POLR2F: variants seen among roughly 807,000 people sequenced by gnomAD.
POLR2F encodes the protein DNA-directed RNA polymerases I, II, and III subunit RPABC2.
POLR2F carries 12 observed loss-of-function variants against 22.7 expected under a neutral mutation model. The observed-to-expected ratio is 0.53, with a 90% CI of 0.34 to 0.86. The LOEUF (loss-of-function observed/expected upper bound fraction) is 0.86, where lower values mean the gene tolerates loss of function less well. Ranked by LOEUF, POLR2F falls within the 40% of genes least tolerant of loss-of-function variation. POLR2F has a pLI of 0.02. For synonymous variants in POLR2F, 57 were observed against 66.0 expected (o/e 0.86, Z 0.66); for missense variants, 126 against 171.5 (o/e 0.73, Z 1.48).
At position 37,986,311 on chromosome 22, in the gene POLR2F, C is replaced by A; in HGVS notation, c.121C>A (p.Arg41=). 6.5e-7 allele frequency: 1 copy of A among 1,536,352 alleles called. No homozygotes were observed. Among genetic ancestry groups the A allele is most frequent in the Non-Finnish European group, 8.7e-7 (1 of 1,146,114 alleles). The change falls in exon 1 of 3, where the codon CGG becomes AGG. Residue 41 remains arginine (R), a splice_region_variant and synonymous_variant. Transcript: ENST00000333418. The surrounding 1 kb of genome is among the most constrained non-coding windows in gnomAD (Gnocchi z 4.7). ...CTGCCTGCCTGGCATCTCTCTCTCC[C>A]GGTGGGTCCCCACTCATCCTTCCAC...
exon 2 of POLR2F, chr22:38,025,971 G>A (rs985101882): frequency 8.3e-6 from 5 of 603,128 alleles, no homozygotes; most frequent in African/African-American, 5.5e-5. Flanking sequence ...GAAGTCAACC[G>A]GAGAATGTGC....
chr22:37,973,337 T>C (rs886057494), downstream of POLR2F: 68 of 598,372 alleles, frequency 1.1e-4, no homozygotes, highest in Non-Finnish European at 2.0e-4. Flanking sequence ...GGGTGGGTCA[T>C]CAGGGCAGTG....
chr22:37,995,478 C>T (rs1361904564), intron 1 of POLR2F, among the ~76,000 whole-genome samples: 1 of 152,208 alleles, frequency 6.6e-6, no homozygotes, highest in Admixed American at 6.5e-5. Flanking sequence ...CCAGTACCAG[C>T]TGTTTTCTCT....
chr22:38,007,765 T>C (rs534242476), intron 1 of POLR2F, among the ~76,000 whole-genome samples: 21 of 152,296 alleles, frequency 1.4e-4, no homozygotes, highest in Admixed American at 3.9e-4. Flanking sequence ...GAACTCACAC[T>C]AGTTGTGGTC....
At chr22:37,956,979 T>C in intron 2 of POLR2F, 137 bp downstream of exon 2, 2 of 739,340 alleles carry the variant, frequency 2.7e-6, no homozygotes, top group South Asian at 1.5e-5. Flanking sequence ...TAGAGTGAGC[T>C]GTGTTCCAGT....
At chr22:37,990,158 T>C (rs908173549) in intron 1 of POLR2F, among the ~76,000 whole-genome samples, 4 of 152,132 alleles carry the variant, frequency 2.6e-5, no homozygotes, top group African/African-American at 9.7e-5. Flanking sequence ...CCAGGGAGGC[T>C]GGAGCGGGCA....
chr22:37,982,659 C>T (rs1932436367), upstream of POLR2F, among the ~76,000 whole-genome samples: 1 of 151,986 alleles, frequency 6.6e-6, no homozygotes, highest in Non-Finnish European at 1.5e-5. Flanking sequence ...GGGAAGATGG[C>T]GCCGAACTGG....
At chr22:37,960,747 C>A in intron 3 of POLR2F, among the ~76,000 whole-genome samples, 1 of 151,158 alleles carries the variant, frequency 6.6e-6, no homozygotes. Context: ...ATTGGCCAGG[C>A]TGGTCTCAAA....
upstream of POLR2F, chr22:37,986,039 C>A: frequency 1.5e-6 from 2 of 1,294,012 alleles, no homozygotes; most frequent in East Asian, 3.2e-5. The surrounding 1 kb of genome is among the most constrained non-coding windows in gnomAD (Gnocchi z 4.7). Context: ...CCCTTCTCTT[C>A]CCTGTGCCCA....
downstream of POLR2F, among the ~76,000 whole-genome samples, chr22:38,027,007 C>T (rs1419117772): frequency 2.0e-5 from 3 of 152,230 alleles, no homozygotes; most frequent in Middle Eastern, 3.4e-3. Flanking sequence ...GGAGAGACAG[C>T]GGCTTTCCAT....
At chr22:38,040,773 C>T (rs1440943946) in intron 5 of POLR2F, 5 of 468,512 alleles carry the variant, frequency 1.1e-5, no homozygotes, top group South Asian at 6.3e-5. Flanking sequence ...GGCACTGGCA[C>T]CTGCCTGGTG....
downstream of POLR2F, chr22:37,973,568 C>T (rs1932124639): frequency 6.2e-7 from 1 of 1,612,820 alleles, no homozygotes; most frequent in Non-Finnish European, 8.5e-7. Context: ...CCCTGAGGGG[C>T]TGGGGTCAGA....
Position 37,953,747 on chromosome 22 carries a change from G to C in POLR2F, c.-41G>C. 1 of 1,599,538 alleles carries C rather than the reference G, an allele frequency of 6.3e-7. No individual in the cohort carries two copies. The highest frequency in any genetic ancestry group is 8.5e-7 in the Non-Finnish European group (1 of 1,176,202). The stretch of plus-strand genomic sequence containing the variant: ...AGTGTCGCTGTTTGCGGGTCTCCGC[G>C]CGGGACCGGGGCGCAGCGGGGTCGC... On this transcript the variant is annotated 5_prime_UTR_variant, in exon 1 of 5. Transcript: ENST00000442738.
At chr22:37,971,388 G>A, downstream of POLR2F, 1 of 451,906 alleles carries the variant, frequency 2.2e-6, no homozygotes, top group Non-Finnish European at 4.6e-6. Flanking sequence ...ATGGCAGCTG[G>A]ATATAAGCTG....
intron 2 of POLR2F, 53 bp from the exon 3 acceptor site, chr22:37,959,293 G>A: frequency 6.3e-7 from 1 of 1,598,146 alleles, no homozygotes; most frequent in Non-Finnish European, 8.6e-7. Context: ...CACTCTCCCT[G>A]TAACCCAAAA....
chr22:38,021,076 G>C (rs961846796), intron 1 of POLR2F, among the ~76,000 whole-genome samples: 2 of 152,180 alleles, frequency 1.3e-5, no homozygotes, highest in African/African-American at 4.8e-5. Flanking sequence ...ACAGAGGAGA[G>C]TCCCACGTGG....
At chr22:37,974,257 G>T (rs1932157062), downstream of POLR2F, 34 of 1,335,658 alleles carry the variant, frequency 2.5e-5, no homozygotes, top group Non-Finnish European at 3.6e-5. This position sits in a 1 kb window ranked among gnomAD's most constrained non-coding sequence, Gnocchi z 5.4. Flanking sequence ...AGAGGCAGGT[G>T]GGCGCACGTG....
At chr22:38,005,119 A>C (rs905271623) in intron 1 of POLR2F, among the ~76,000 whole-genome samples, 3 of 152,240 alleles carry the variant, frequency 2.0e-5, no homozygotes, top group Non-Finnish European at 4.4e-5. Context: ...CCATACTGAC[A>C]GTTATGAGAA....
chr22:37,986,106 C>T (rs935284970), upstream of POLR2F: 48 of 1,465,698 alleles, frequency 3.3e-5, no homozygotes, highest in Middle Eastern at 6.5e-4. The surrounding 1 kb of genome is among the most constrained non-coding windows in gnomAD (Gnocchi z 4.7). Flanking sequence ...TACAGGTGAA[C>T]GGCAATCATG....
Sources: allele counts gnomAD v4.1 joint callset (sites outside exome capture counted in the v4.1 genomes callset), GRCh38; gene constraint gnomAD v4.1.1; non-coding constraint Gnocchi (gnomAD v3.1); transcripts MANE v1.5; gene names NCBI Gene and HGNC (gene_info 2026-07-23, HGNC 2026-07-21).